Variants in KCNIP1 observed in about 807,000 individuals in gnomAD.
KCNIP1 encodes A-type potassium channel modulatory protein KCNIP1.
KCNIP1 carries 18 observed loss-of-function variants against 33.0 expected under a neutral mutation model. That is an observed-to-expected ratio of 0.55 (90% CI 0.38 to 0.81). KCNIP1 has a LOEUF of 0.81. KCNIP1 is among the 30% of genes least tolerant of loss of function. The pLI is 0.00. For missense variants in KCNIP1, 238 were observed against 271.6 expected (o/e 0.88, Z 0.87); for synonymous variants, 93 against 98.3 (o/e 0.95, Z 0.32).
intron 1 of KCNIP1, among the ~76,000 whole-genome samples, chr5:170,507,474 G>A (rs537722565): frequency 2.0e-5 from 3 of 152,064 alleles, no homozygotes; most frequent in African/African-American, 7.2e-5. Context: ...GGCCATTTTC[G>A]AAGTAGGCAG....
At chr5:170,685,404 G>C (rs893872212) in intron 1 of KCNIP1, among the ~76,000 whole-genome samples, 1 of 149,622 alleles carries the variant, frequency 6.7e-6, no homozygotes, top group African/African-American at 2.5e-5. Context: ...GCAGCTGAGA[G>C]AGTCTCTTCT....
chr5:170,490,292 C>G (rs1455494910), intron 1 of KCNIP1, among the ~76,000 whole-genome samples: 1 of 152,240 alleles, frequency 6.6e-6, no homozygotes, highest in East Asian at 1.9e-4. Context: ...CCTGACCCAG[C>G]TGACTGCTCT....
chr5:170,551,665 AG>A (rs1756641288), intron 1 of KCNIP1, among the ~76,000 whole-genome samples: 1 of 121,574 alleles, frequency 8.2e-6, no homozygotes, highest in Admixed American at 7.9e-5. Flanking sequence ...AGTGACTGTG[AG>A]TGGTTGTGAG....
intron 1 of KCNIP1, among the ~76,000 whole-genome samples, chr5:170,677,710 T>C (rs1223388904): frequency 1.3e-5 from 2 of 152,170 alleles, no homozygotes; most frequent in African/African-American, 4.8e-5. Flanking sequence ...ATCTGCTCCA[T>C]GAGGCCAGCT....
intron 1 of KCNIP1, among the ~76,000 whole-genome samples, chr5:170,355,686 C>T (rs1763328056): frequency 6.6e-6 from 1 of 152,214 alleles, no homozygotes; most frequent in Admixed American, 6.5e-5. Flanking sequence ...GAAGCCGAAG[C>T]TGCCAGAGGG....
At chr5:170,576,672 T>A (rs1170133805) in intron 1 of KCNIP1, among the ~76,000 whole-genome samples, 1 of 152,170 alleles carries the variant, frequency 6.6e-6, no homozygotes, top group African/African-American at 2.4e-5. Flanking sequence ...TGGGGACAAA[T>A]GAGTATTACA....
At chr5:170,367,943 T>C (rs1763739050) in intron 1 of KCNIP1, among the ~76,000 whole-genome samples, 1 of 152,252 alleles carries the variant, frequency 6.6e-6, no homozygotes, top group Non-Finnish European at 1.5e-5. Context: ...TTGCATTATT[T>C]ATAACAGTGA....
At chr5:170,580,351 T>C (rs987039831) in intron 1 of KCNIP1, among the ~76,000 whole-genome samples, 20 of 152,226 alleles carry the variant, frequency 1.3e-4, no homozygotes, top group African/African-American at 4.8e-4. Flanking sequence ...AGTTCCTATG[T>C]ACCCTGTACA....
exon 1 of KCNIP1, chr5:170,353,930 C>T: frequency 6.2e-7 from 1 of 1,614,214 alleles, no homozygotes; most frequent in Non-Finnish European, 8.5e-7. Flanking sequence ...TTGCCCAGAC[C>T]ATCTTTAAGC....
chr5:170,719,783 A>G (rs113286252), intron 2 of KCNIP1, among the ~76,000 whole-genome samples: 4,236 of 152,226 alleles, frequency 0.028, 73 homozygotes, highest in Non-Finnish European at 0.032. Flanking sequence ...CCAGTTTCCT[A>G]CCATTAGGGC....
intron 1 of KCNIP1, among the ~76,000 whole-genome samples, chr5:170,634,304 A>G (rs1760198211): frequency 6.6e-6 from 1 of 152,208 alleles, no homozygotes; most frequent in Non-Finnish European, 1.5e-5. Flanking sequence ...TCCAGCATCC[A>G]TTCAGTCCCC....
intron 1 of KCNIP1, among the ~76,000 whole-genome samples, chr5:170,666,852 A>G (rs762071395): frequency 2.0e-5 from 3 of 152,228 alleles, no homozygotes; most frequent in Non-Finnish European, 4.4e-5. Context: ...CCAAGAGGCC[A>G]GGAGCCAGGG....
chr5:170,591,869 C>T (rs950211870), intron 1 of KCNIP1, among the ~76,000 whole-genome samples: 2 of 152,162 alleles, frequency 1.3e-5, no homozygotes, highest in African/African-American at 4.8e-5. Flanking sequence ...GTTGCATCCA[C>T]CTTTTTTTGC....
intron 1 of KCNIP1, among the ~76,000 whole-genome samples, chr5:170,465,267 G>A (rs1437069223): frequency 6.6e-6 from 1 of 152,204 alleles, no homozygotes; most frequent in Non-Finnish European, 1.5e-5. Flanking sequence ...TCACTAGAAT[G>A]TGAACATGAT....
chr5:170,522,852 A>G (rs1755414183), intron 1 of KCNIP1, among the ~76,000 whole-genome samples: 1 of 152,182 alleles, frequency 6.6e-6, no homozygotes, highest in African/African-American at 2.4e-5. Context: ...CAATGCTTAG[A>G]GTTTTCCCTC....
At chr5:170,492,162 T>C (rs1320614135) in intron 1 of KCNIP1, among the ~76,000 whole-genome samples, 1 of 152,190 alleles carries the variant, frequency 6.6e-6, no homozygotes, top group African/African-American at 2.4e-5. Flanking sequence ...GTGGCCAGTC[T>C]CAGACCCCCT....
intron 1 of KCNIP1, among the ~76,000 whole-genome samples, chr5:170,481,016 A>G (rs1756966170): frequency 6.6e-6 from 1 of 152,240 alleles, no homozygotes; most frequent in Non-Finnish European, 1.5e-5. Context: ...AATATGAAAT[A>G]AAACCCTATC....
At chr5:170,390,539 TTTTC>T (rs1754542908) in intron 1 of KCNIP1, among the ~76,000 whole-genome samples, 1 of 133,798 alleles carries the variant, frequency 7.5e-6, no homozygotes, top group African/African-American at 3.0e-5. Flanking sequence ...TATATATATA[TTTTC>T]AACAAAACAA....
In KCNIP1 at chr5:170,557,862, A is replaced by C. The variant is rs570778858; in HGVS notation, c.61+53229A>C. On this transcript the variant is annotated intron_variant, in intron 1 of 7. Coordinates refer to ENST00000328939, the MANE Select transcript of KCNIP1 (RefSeq NM_014592.4). ...AATGTGGGCTTACTTTGAGTTTTCT[A>C]GCATAAGGTTGTTCTGAAGATTAAA... Among the ~76,000 whole-genome samples the C allele has an allele frequency of 6.6e-5, 10 of 152,336 alleles. No homozygotes were observed. The South Asian group carries it at 1.7e-3, about 25-fold the overall frequency.
Sources: allele counts gnomAD v4.1 joint callset (sites outside exome capture counted in the v4.1 genomes callset), GRCh38; gene constraint gnomAD v4.1.1; transcripts MANE v1.5; gene names NCBI Gene and HGNC (gene_info 2026-07-23, HGNC 2026-07-21).